FGF1: variants seen among roughly 807,000 people sequenced by gnomAD.
FGF1 encodes beta-endothelial cell growth factor.
A neutral mutation model predicts 13.4 loss-of-function variants in FGF1; 9 were observed. That is an observed-to-expected ratio of 0.67 (90% confidence interval 0.40 to 1.17). FGF1 has a LOEUF of 1.17. Ranked by LOEUF, FGF1 falls within the 50% of genes most tolerant of loss-of-function variation. FGF1 has a pLI of 0.01. For synonymous variants in FGF1, 93 were observed against 79.0 expected (o/e 1.18, Z -0.94); for missense variants, 156 against 192.7 (o/e 0.81, Z 1.13).
intron 1 of FGF1, among the ~76,000 whole-genome samples, chr5:142,657,145 G>T (rs1768312624): frequency 2.0e-5 from 3 of 152,140 alleles, no homozygotes; most frequent in Non-Finnish European, 4.4e-5. Context: ...TTGAACTCCT[G>T]ACCTCAGGTG....
Position 142,600,752 on chromosome 5 carries a change from C to G in FGF1, c.223G>C (p.Glu75Gln), listed in dbSNP as rs148224095. The G allele has an allele frequency of 6.2e-7, 1 of 1,613,856 alleles. No homozygotes were observed. The highest frequency in any genetic ancestry group is 1.3e-5 in the African/African-American group (1 of 74,882). The change falls in exon 3 of 4, where the codon GAG becomes CAG. Residue 75 changes from glutamate (E) to glutamine (Q), a missense_variant. Transcript: ENST00000337706. Reference protein sequence around the residue: ...SVGEVYIKSTETGQYLAMDTD... With the variant: ...SVGEVYIKSTQTGQYLAMDTD... ...TCCATGGCCAAGTACTGGCCAGTCTCGGTACTCTTTATATACACCTCCCCC... is the reference window on the plus strand; with the variant it reads ...TCCATGGCCAAGTACTGGCCAGTCTGGGTACTCTTTATATACACCTCCCCC...
chr5:142,603,638 T>C (rs1757050515), intron 2 of FGF1, among the ~76,000 whole-genome samples: 1 of 152,190 alleles, frequency 6.6e-6, no homozygotes, highest in Non-Finnish European at 1.5e-5. Context: ...GGTGTTGGGC[T>C]AATATTGGCA....
chr5:142,689,790 C>T (rs1423540288), upstream of FGF1, among the ~76,000 whole-genome samples: 1 of 150,416 alleles, frequency 6.6e-6, no homozygotes, highest in Non-Finnish European at 1.5e-5. Flanking sequence ...GCTCCGCCTC[C>T]CGAGTTCACG....
chr5:142,685,907 C>CAAT (rs1751076170), intron 1 of FGF1, 50 bp downstream of exon 1: 5 of 141,572 alleles, frequency 3.5e-5, no homozygotes, highest in Non-Finnish European at 6.3e-5. Context: ...ACACACACAA[C>CAAT]CTCAGCTATA....
chr5:142,604,233 C>T (rs751259894), intron 2 of FGF1, among the ~76,000 whole-genome samples: 64 of 152,122 alleles, frequency 4.2e-4, no homozygotes, highest in Admixed American at 9.8e-4. Flanking sequence ...CATTGTACAA[C>T]TTAAATAGGT....
At chr5:142,630,412 A>G (rs1166492160) in intron 1 of FGF1, among the ~76,000 whole-genome samples, 1 of 152,064 alleles carries the variant, frequency 6.6e-6, no homozygotes, top group African/African-American at 2.4e-5. Flanking sequence ...TACCTTCTGA[A>G]ATAGCCCCAT....
At chr5:142,645,664 G>A (rs1051444183) in intron 1 of FGF1, among the ~76,000 whole-genome samples, 1 of 152,178 alleles carries the variant, frequency 6.6e-6, no homozygotes, top group Non-Finnish European at 1.5e-5. Flanking sequence ...ACATTCAGTA[G>A]GGTGACAGCT....
chr5:142,655,371 T>C (rs75613420), intron 1 of FGF1, among the ~76,000 whole-genome samples: 1,873 of 152,286 alleles, frequency 0.012, 53 homozygotes, highest in African/African-American at 0.043. Context: ...ACACCATAGG[T>C]ACTCAGCAAA....
At chr5:142,615,222 CT>C (rs796430077) in intron 1 of FGF1, among the ~76,000 whole-genome samples, 2,524 of 146,882 alleles carry the variant, frequency 0.017, 67 homozygotes, top group African/African-American at 0.058. Flanking sequence ...GTGAACTGCA[CT>C]TTTTTTTTTT....
At chr5:142,617,683 G>A (rs527313572) in intron 1 of FGF1, among the ~76,000 whole-genome samples, 1 of 152,284 alleles carries the variant, frequency 6.6e-6, no homozygotes, top group East Asian at 1.9e-4. Flanking sequence ...TAAGCCTGGA[G>A]TCAACATGAA....
intron 1 of FGF1, among the ~76,000 whole-genome samples, chr5:142,668,704 C>T (rs9324889): frequency 0.32 from 48,849 of 152,150 alleles, 8,444 homozygotes; most frequent in African/African-American, 0.45. Context: ...AGGGAAGCAC[C>T]TAGCACATTG....
intron 1 of FGF1, among the ~76,000 whole-genome samples, chr5:142,662,468 A>G (rs1025839849): frequency 6.6e-6 from 1 of 152,244 alleles, no homozygotes; most frequent in Non-Finnish European, 1.5e-5. Flanking sequence ...ATTAGAAGAT[A>G]AACTTCAAGA....
chr5:142,628,408 G>A (rs1221973638), intron 1 of FGF1, among the ~76,000 whole-genome samples: 1 of 152,218 alleles, frequency 6.6e-6, no homozygotes, highest in Non-Finnish European at 1.5e-5. Context: ...TACTCAGGAG[G>A]TTGAGGTAAG....
intron 1 of FGF1, among the ~76,000 whole-genome samples, chr5:142,617,377 A>C (rs1290262231): frequency 2.0e-5 from 3 of 151,658 alleles, no homozygotes; most frequent in Non-Finnish European, 2.9e-5. Flanking sequence ...AAAAAAAAAG[A>C]ATGGCTTTTC....
chr5:142,602,894 C>T (rs1435823085), intron 2 of FGF1, among the ~76,000 whole-genome samples: 3 of 152,172 alleles, frequency 2.0e-5, no homozygotes, highest in African/African-American at 7.2e-5. Context: ...TCCTTATCTC[C>T]TGATTCACCC....
At chr5:142,657,521 A>T (rs1768382137) in intron 1 of FGF1, among the ~76,000 whole-genome samples, 1 of 152,110 alleles carries the variant, frequency 6.6e-6, no homozygotes. Flanking sequence ...CCCACACCTG[A>T]TTGCGGTGGC....
chr5:142,632,262 G>A (rs558233608), intron 1 of FGF1, among the ~76,000 whole-genome samples: 1 of 152,240 alleles, frequency 6.6e-6, no homozygotes, highest in African/African-American at 2.4e-5. Context: ...AGTTCTTCTA[G>A]GGAAGTTGAA....
chr5:142,696,180 A>T (rs953242512), intron 2 of FGF1, among the ~76,000 whole-genome samples: 1 of 152,170 alleles, frequency 6.6e-6, no homozygotes, highest in Non-Finnish European at 1.5e-5. Flanking sequence ...CACCTTTTCC[A>T]CTAATAATTA....
chr5:142,615,811 G>T (rs1760112423), intron 1 of FGF1, among the ~76,000 whole-genome samples: 1 of 152,202 alleles, frequency 6.6e-6, no homozygotes, highest in Non-Finnish European at 1.5e-5. Flanking sequence ...ATTTGCCCTT[G>T]ATCACCATGA....
Sources: allele counts gnomAD v4.1 joint callset (sites outside exome capture counted in the v4.1 genomes callset), GRCh38; gene constraint gnomAD v4.1.1; transcripts MANE v1.5; gene names NCBI Gene and HGNC (gene_info 2026-07-23, HGNC 2026-07-21).